The following TENM2 variants were observed in gnomAD, a reference collection of about 807,000 sequenced individuals.
The protein encoded by TENM2 is teneurin-2.
A neutral mutation model predicts 245.2 loss-of-function variants in TENM2; 52 were observed. That is an observed-to-expected ratio of 0.21 (90% CI 0.17 to 0.27). The LOEUF (loss-of-function observed/expected upper bound fraction) is 0.27. TENM2 is among the 10% of genes least tolerant of loss of function. TENM2 has a pLI of 1.00. For missense variants in TENM2, 3,046 were observed against 3,666.8 expected (o/e 0.83, Z 4.37); for synonymous variants, 1,363 against 1,438.9 (o/e 0.95, Z 1.19).
At chr5:167,379,144 G>A (rs890362308) in intron 2 of TENM2, among the ~76,000 whole-genome samples, 2 of 152,156 alleles carry the variant, frequency 1.3e-5, no homozygotes, top group Non-Finnish European at 2.9e-5. Flanking sequence ...CTTTGAGGTT[G>A]AGATATAAAT....
the TENM2 span, among the ~76,000 whole-genome samples, chr5:167,206,267 A>G: frequency 6.6e-6 from 1 of 151,862 alleles, no homozygotes; most frequent in South Asian, 2.1e-4. Context: ...TTTCTCTTTC[A>G]TTTGTTTCTC....
intron 2 of TENM2, among the ~76,000 whole-genome samples, chr5:167,716,944 C>T (rs7735458): frequency 0.045 from 3,102 of 68,926 alleles, 104 homozygotes; most frequent in African/African-American, 0.16. Context: ...TTATTTTATT[C>T]TATTCTATTC....
chr5:167,125,449 T>G, the TENM2 span, among the ~76,000 whole-genome samples: 1 of 152,194 alleles, frequency 6.6e-6, no homozygotes, highest in African/African-American at 2.4e-5. Context: ...GAATTTTGTA[T>G]CTTTGATGTT....
At chr5:167,577,834 A>G (rs1289226355) in intron 2 of TENM2, among the ~76,000 whole-genome samples, 1 of 152,210 alleles carries the variant, frequency 6.6e-6, no homozygotes, top group Non-Finnish European at 1.5e-5. Flanking sequence ...TCTGACGAAG[A>G]TGCAAAATAT....
intron 7 of TENM2, among the ~76,000 whole-genome samples, chr5:168,075,492 C>T (rs1446264179): frequency 6.6e-6 from 1 of 152,150 alleles, no homozygotes; most frequent in Non-Finnish European, 1.5e-5. Context: ...TAATAGAGGA[C>T]AATGCCACCA....
the TENM2 span, among the ~76,000 whole-genome samples, chr5:167,012,505 T>C: frequency 6.6e-6 from 1 of 151,972 alleles, no homozygotes; most frequent in South Asian, 2.1e-4. Flanking sequence ...GCCGGGAAAG[T>C]GGTTTATTAG....
intron 4 of TENM2, among the ~76,000 whole-genome samples, chr5:167,988,517 G>A (rs1402305278): frequency 1.3e-5 from 2 of 152,200 alleles, no homozygotes; most frequent in Non-Finnish European, 2.9e-5. Flanking sequence ...CTCTGAAAAA[G>A]TGCTATGAGA....
Position 168,190,379 on chromosome 5 carries a change from C to A in TENM2, c.2612C>A (p.Ser871Ter). 2 of 1,613,902 alleles carry A rather than the reference C, an allele frequency of 1.2e-6. No individual in the cohort carries two copies. The highest frequency in any genetic ancestry group is 2.2e-5 in the South Asian group (2 of 91,010). ...TTGGACCCTGACTGCTGCCTGCAGT[C>A]AGCCTGTCAGAACAGCCTGCTCTGC... The change falls in exon 14 of 29, where the codon TCA (serine) becomes TAA (stop). Residue 871 changes from serine to a stop codon, truncating the protein, a stop_gained. Transcript: ENST00000518659. LOFTEE classifies it high-confidence loss of function.
At chr5:167,192,578 A>G in the TENM2 span, among the ~76,000 whole-genome samples, 2 of 152,078 alleles carry the variant, frequency 1.3e-5, no homozygotes, top group African/African-American at 4.8e-5. Flanking sequence ...AAGAAGAACC[A>G]CATTGGGTGT....
chr5:167,096,415 A>G, the TENM2 span, among the ~76,000 whole-genome samples: 11 of 152,326 alleles, frequency 7.2e-5, no homozygotes, highest in South Asian at 1.7e-3. Flanking sequence ...ACACATTTTT[A>G]GAGTCACTAT....
At chr5:168,101,258 G>A (rs779467620) in intron 9 of TENM2, among the ~76,000 whole-genome samples, 6 of 152,092 alleles carry the variant, frequency 3.9e-5, no homozygotes, top group African/African-American at 7.2e-5. Flanking sequence ...GGACAGAGTC[G>A]GCCTTTTATA....
chr5:167,731,200 G>GT (rs11398245), intron 2 of TENM2, among the ~76,000 whole-genome samples: 128,810 of 142,712 alleles, frequency 0.9, 58,275 homozygotes, highest in South Asian at 0.95. Flanking sequence ...CCTCCAGACA[G>GT]TTTTTTTTTT....
At chr5:167,357,935 T>C (rs1377810983) in intron 1 of TENM2, among the ~76,000 whole-genome samples, 2 of 152,130 alleles carry the variant, frequency 1.3e-5, no homozygotes, top group African/African-American at 4.8e-5. Flanking sequence ...TCCACCTTAT[T>C]GCCTATCACT....
chr5:167,147,611 A>G, the TENM2 span, among the ~76,000 whole-genome samples: 1 of 152,172 alleles, frequency 6.6e-6, no homozygotes, highest in Non-Finnish European at 1.5e-5. Context: ...CAATGCAAAC[A>G]TTGAATGTTT....
intron 5 of TENM2, among the ~76,000 whole-genome samples, chr5:168,019,685 G>C (rs1296069096): frequency 6.6e-6 from 1 of 152,232 alleles, no homozygotes; most frequent in Non-Finnish European, 1.5e-5. Context: ...TGCAATTTCA[G>C]TGGATGTCAG....
chr5:167,583,011 T>G (rs1775201997), intron 2 of TENM2, among the ~76,000 whole-genome samples: 3 of 152,234 alleles, frequency 2.0e-5, no homozygotes, highest in Admixed American at 2.0e-4. Flanking sequence ...GTCCAGCACT[T>G]GCTGCACAGT....
intron 1 of TENM2, among the ~76,000 whole-genome samples, chr5:167,295,613 C>A (rs1226166521): frequency 6.6e-6 from 1 of 152,168 alleles, no homozygotes. Flanking sequence ...TCAAAGGAGA[C>A]ATTACATTTT....
At chr5:168,090,490 CA>C in intron 7 of TENM2, 83 bp from the exon 10 acceptor site, 2 of 1,280,698 alleles carry the variant, frequency 1.6e-6, no homozygotes, top group Non-Finnish European at 1.1e-6. Context: ...TCTCCATTAA[CA>C]AATGGGTTCG....
chr5:167,416,348 A>G (rs868531913), intron 2 of TENM2, among the ~76,000 whole-genome samples: 1 of 152,208 alleles, frequency 6.6e-6, no homozygotes, highest in African/African-American at 2.4e-5. Context: ...CTTGTTATGG[A>G]ACACTGTAAA....
Sources: allele counts gnomAD v4.1 joint callset (sites outside exome capture counted in the v4.1 genomes callset), GRCh38; gene constraint gnomAD v4.1.1; transcripts MANE v1.5; gene names NCBI Gene and HGNC (gene_info 2026-07-23, HGNC 2026-07-21).